The following TMEM71 variants were observed in gnomAD, a reference collection of about 807,000 sequenced individuals.
The protein encoded by TMEM71 is transmembrane protein 71.
TMEM71 carries 44 observed loss-of-function variants against 38.0 expected under a neutral mutation model. That is an observed-to-expected ratio of 1.16 (90% CI 0.91 to 1.49). The LOEUF is 1.49. TMEM71 is among the 40% of genes most tolerant of loss of function. The probability of loss-of-function intolerance (pLI) is 0.00; values close to 1 mark genes in which losing one functional copy is unlikely to be tolerated. For synonymous variants in TMEM71, 133 were observed against 122.5 expected, an observed-to-expected ratio of 1.09 and a Z score of -0.56; for missense variants, 367 against 348.6, an observed-to-expected ratio of 1.05 and a Z score of -0.42.
intron 2 of TMEM71, among the ~76,000 whole-genome samples, chr8:132,757,552 C>A (rs1253038126): frequency 6.6e-6 from 1 of 152,012 alleles, no homozygotes; most frequent in Non-Finnish European, 1.5e-5. Flanking sequence ...AAGTTCCGGG[C>A]GCAGTGTCTC....
chr8:132,706,048 A>G (rs1169800905), downstream of TMEM71, among the ~76,000 whole-genome samples: 1 of 152,132 alleles, frequency 6.6e-6, no homozygotes, highest in African/African-American at 2.4e-5. Context: ...GAGACACTGG[A>G]TCTTTCTTTC....
chr8:132,717,716 C>T (rs941031981), intron 7 of TMEM71, among the ~76,000 whole-genome samples: 4 of 152,124 alleles, frequency 2.6e-5, no homozygotes, highest in Admixed American at 6.5e-5. Context: ...TATGGACTTA[C>T]TATATGCCCA....
chr8:132,745,748 A>G (rs1396476957), intron 5 of TMEM71, among the ~76,000 whole-genome samples: 1 of 152,062 alleles, frequency 6.6e-6, no homozygotes, highest in Non-Finnish European at 1.5e-5. Flanking sequence ...ATTCACAATA[A>G]CAAAGACAAA....
chr8:132,758,641 G>A, intron 2 of TMEM71, 199 bp downstream of exon 2: 1 of 507,020 alleles, frequency 2.0e-6, no homozygotes, highest in South Asian at 2.9e-5. Flanking sequence ...TTTTCTACTA[G>A]AAGGAAAAAT....
chr8:132,751,852 C>A lies in TMEM71; in HGVS notation c.247G>T (p.Asp83Tyr), dbSNP rs750698828. ...YIWTEDSFLC[D>Y]KDGNITLNPS... ...TTCAGAGTTATGTTGCCATCTTTGT[C>A]GCACAGGAAGCTGTCTTCAGTCCAA... is the stretch of plus-strand genomic sequence containing the variant. Residue 83 changes from aspartate (D) to tyrosine (Y), a missense_variant, in exon 4 of 10, where the codon GAC (aspartate) becomes TAC (tyrosine). Asp to Tyr is a radical substitution (Grantham distance 160). Coordinates refer to ENST00000677595, the MANE Select transcript of TMEM71 (RefSeq NM_001382403.1). 2 of 1,613,874 alleles carry A rather than the reference C, an allele frequency of 1.2e-6. No homozygotes were observed. The highest frequency in any genetic ancestry group is 1.7e-6 in the Non-Finnish European group (2 of 1,180,048).
At position 132,715,409 on chromosome 8, in the gene TMEM71, C is replaced by CAAAAAAAAA. The variant is rs975995287; in HGVS notation, c.753-1203_753-1195dup. Among the ~76,000 whole-genome samples the CAAAAAAAAA allele has an allele frequency of 8.2e-3, 177 of 21,492 alleles. 3 individuals are homozygous for CAAAAAAAAA. The highest frequency in any genetic ancestry group is 0.017 in the East Asian group (12 of 718). The allele number at this position is 21,492 out of a possible 152,430, so 14.1% of individuals were successfully genotyped here. A position where few individuals can be genotyped will look rare whatever the true frequency, so the allele number is the denominator to read the frequency against. Reference sequence around the variant, plus strand: ...TGGGCGACAGAGCAAGACTCCGTCTCAAAAAAAAAAAAAAAAAAAAAAAAA... The same window carrying CAAAAAAAAA: ...TGGGCGACAGAGCAAGACTCCGTCTCAAAAAAAAAAAAAAAAAAAAAAAAAAAAAAAAAA... On this transcript the variant is annotated intron_variant, in intron 7 of 9. Coordinates refer to ENST00000677595, the MANE Select transcript of TMEM71 (RefSeq NM_001382403.1).
In TMEM71 at chr8:132,709,995, A is replaced by G. The variant is rs1251550284; in HGVS notation, c.*972T>C. 6.6e-6 allele frequency: 1 copy of G among 152,158 alleles called. No individual in the cohort carries two copies. The highest frequency in any genetic ancestry group is 1.5e-5 in the Non-Finnish European group (1 of 68,018). 9.4% of individuals were successfully genotyped at this position (152,158 alleles called of 1,614,324 possible). On this transcript the variant is annotated 3_prime_UTR_variant, in exon 10 of 10. Transcript: ENST00000677595. ...TAGTTTATTTTTTAACCAAAAATGT[A>G]CTAAATGCAAATTATATATAAAGTT...
downstream of TMEM71, among the ~76,000 whole-genome samples, chr8:132,709,206 G>GT (rs1826137764): frequency 6.6e-6 from 1 of 152,190 alleles, no homozygotes; most frequent in Non-Finnish European, 1.5e-5. Context: ...TCCTAATAGT[G>GT]TATTAAATGA....
downstream of TMEM71, among the ~76,000 whole-genome samples, chr8:132,709,435 T>A (rs916409770): frequency 6.6e-6 from 1 of 152,236 alleles, no homozygotes; most frequent in Non-Finnish European, 1.5e-5. Flanking sequence ...AGCCAGGTTC[T>A]AATCATAGGA....
chr8:132,715,179 G>A (rs1008268115), intron 7 of TMEM71, among the ~76,000 whole-genome samples: 43 of 151,992 alleles, frequency 2.8e-4, no homozygotes, highest in African/African-American at 7.7e-4. Context: ...GGCCGAGGCG[G>A]GCGGATCACG....
intron 5 of TMEM71, among the ~76,000 whole-genome samples, chr8:132,730,150 G>C (rs998551069): frequency 6.6e-6 from 1 of 152,056 alleles, no homozygotes; most frequent in Non-Finnish European, 1.5e-5. Flanking sequence ...TTGAGATAGG[G>C]TTTCTCCATG....
At position 132,729,406 on chromosome 8, in the gene TMEM71, A is replaced by G. The variant is rs11994422; in HGVS notation, c.488-1420T>C. Among the ~76,000 whole-genome samples, 502 of 152,320 alleles carry G rather than the reference A, an allele frequency of 3.3e-3. 2 individuals are homozygous for G. The highest frequency in any genetic ancestry group is 0.011 in the African/African-American group (468 of 41,560). ...TTCTGTCTTGAGTGGTCTGTGTCACATTCCAGGGTTTAACTTTACTCTTAT... is the reference window on the plus strand; with the variant it reads ...TTCTGTCTTGAGTGGTCTGTGTCACGTTCCAGGGTTTAACTTTACTCTTAT... On this transcript the variant is annotated intron_variant, in intron 5 of 9. Coordinates refer to ENST00000677595, the MANE Select transcript of TMEM71 (RefSeq NM_001382403.1).
chr8:132,713,868 A>T (rs1826364364), intron 9 of TMEM71, 127 bp downstream of exon 9: 4 of 829,766 alleles, frequency 4.8e-6, no homozygotes, highest in African/African-American at 3.5e-5. Context: ...AACAGAAAGT[A>T]GTCTTCAGGA....
At chr8:132,766,344 T>G in the TMEM71 span, among the ~76,000 whole-genome samples, 1 of 135,184 alleles carries the variant, frequency 7.4e-6, no homozygotes, top group Non-Finnish European at 1.5e-5. Context: ...AGTACACACC[T>G]CCAGGGGGAA....
At chr8:132,706,453 T>G (rs2130980292), downstream of TMEM71, among the ~76,000 whole-genome samples, 1 of 152,320 alleles carries the variant, frequency 6.6e-6, no homozygotes, top group Non-Finnish European at 1.5e-5. Flanking sequence ...GTTAAATTTT[T>G]AAAGTTGAGT....
chr8:132,721,143 C>A (rs1268719208), intron 7 of TMEM71, among the ~76,000 whole-genome samples: 2 of 152,188 alleles, frequency 1.3e-5, no homozygotes, highest in African/African-American at 4.8e-5. Context: ...CTGGAGGATT[C>A]TAAGAGGCAG....
At chr8:132,738,314 T>C (rs1827856253) in intron 5 of TMEM71, among the ~76,000 whole-genome samples, 1 of 152,234 alleles carries the variant, frequency 6.6e-6, no homozygotes, top group African/African-American at 2.4e-5. Context: ...CTTCCAGCCC[T>C]TGGTGACTTG....
chr8:132,762,898 G>A (rs151273707), upstream of TMEM71, among the ~76,000 whole-genome samples: 145 of 152,322 alleles, frequency 9.5e-4, 1 homozygote, highest in South Asian at 0.016. Flanking sequence ...AAGTGCAATT[G>A]TTATCCACAT....
At chr8:132,736,882 CAAT>C (rs1827779982) in intron 5 of TMEM71, among the ~76,000 whole-genome samples, 1 of 151,882 alleles carries the variant, frequency 6.6e-6, no homozygotes, top group Non-Finnish European at 1.5e-5. Context: ...CTCACAACAA[CAAT>C]AACAAATGGT....
Sources: gnomAD v4.1 joint callset for allele counts (sites outside exome capture counted in the v4.1 genomes callset) on GRCh38, gnomAD v4.1.1 for gene constraint, MANE v1.5 for transcripts, NCBI Gene and HGNC (gene_info 2026-07-23, HGNC 2026-07-21) for gene names.